Variants in ATXN8OS observed in about 807,000 individuals in gnomAD.
The protein encoded by ATXN8OS is ATXN8 opposite strand lncRNA.
chr13:70,125,902 G>A (rs1250353559), intron 2 of ATXN8OS, among the ~76,000 whole-genome samples: 1 of 152,006 alleles, frequency 6.6e-6, no homozygotes, highest in Non-Finnish European at 1.5e-5. Context: ...CCACCACCGG[G>A]GGTTGTGGGA....
intron 4 of ATXN8OS, among the ~76,000 whole-genome samples, chr13:70,156,568 G>A: frequency 6.6e-6 from 1 of 151,964 alleles, no homozygotes; most frequent in East Asian, 1.9e-4. Flanking sequence ...AGTATATAAA[G>A]TAAAATTAAG....
At chr13:70,123,166 G>T (rs934124929) in intron 2 of ATXN8OS, among the ~76,000 whole-genome samples, 3 of 151,932 alleles carry the variant, frequency 2.0e-5, no homozygotes, top group Non-Finnish European at 4.4e-5. Flanking sequence ...CTTAGATTTT[G>T]CCAGATACTA....
intron 3 of ATXN8OS, among the ~76,000 whole-genome samples, chr13:70,132,215 C>A (rs982983086): frequency 1.3e-5 from 2 of 151,828 alleles, no homozygotes; most frequent in Non-Finnish European, 2.9e-5. Flanking sequence ...ATGGAATCAA[C>A]CTAAGTGTCC....
intron 3 of ATXN8OS, among the ~76,000 whole-genome samples, chr13:70,136,423 CCTA>C (rs1300999553): frequency 1.3e-5 from 2 of 151,752 alleles, no homozygotes; most frequent in East Asian, 1.9e-4. Flanking sequence ...CAAATTGTAT[CCTA>C]CTTTTTTGCC....
intron 3 of ATXN8OS, among the ~76,000 whole-genome samples, chr13:70,133,072 C>T (rs768626147): frequency 2.0e-5 from 3 of 152,066 alleles, no homozygotes; most frequent in Non-Finnish European, 4.4e-5. Flanking sequence ...TGCCTCACTT[C>T]GATAGAGCTA....
chr13:70,171,133 A>G lies in ATXN8OS; in HGVS notation n.1954A>G, dbSNP rs1413611373. Among the ~76,000 whole-genome samples, 2 of 152,128 alleles carry G rather than the reference A, an allele frequency of 1.3e-5. 1 individual carries two copies. Among genetic ancestry groups the G allele is most frequent in the Non-Finnish European group, 2.9e-5 (2 of 68,000 alleles). On this transcript the variant is annotated non_coding_transcript_exon_variant, in exon 5 of 5. Transcript: ENST00000678624. ...TAGAGTATGGTTGATTTATGGACAG[A>G]AAAAGGAAAGTGACATAGAGAAAAT...
intron 4 of ATXN8OS, among the ~76,000 whole-genome samples, chr13:70,152,605 A>G (rs975933292): frequency 6.6e-6 from 1 of 151,874 alleles, no homozygotes; most frequent in East Asian, 1.9e-4. Context: ...TGATGCCCCT[A>G]TGCCTAGTGT....
intron 2 of ATXN8OS, among the ~76,000 whole-genome samples, chr13:70,121,121 C>T (rs1488410128): frequency 6.7e-6 from 1 of 149,918 alleles, no homozygotes; most frequent in African/African-American, 2.4e-5. Flanking sequence ...TAGAACTGAT[C>T]TAAAGGAGAG....
At chr13:70,170,674 A>G (rs1889134230) in exon 5 of ATXN8OS, among the ~76,000 whole-genome samples, 1 of 152,178 alleles carries the variant, frequency 6.6e-6, no homozygotes, top group African/African-American at 2.4e-5. Context: ...TGTGAAAACA[A>G]TTTTTAAAAT....
intron 2 of ATXN8OS, among the ~76,000 whole-genome samples, chr13:70,120,221 A>G (rs962450596): frequency 6.6e-6 from 1 of 152,140 alleles, no homozygotes; most frequent in African/African-American, 2.4e-5. Context: ...GGATATCCCA[A>G]AAGAAAATAA....
chr13:70,171,323 T>G (rs1452992006), exon 5 of ATXN8OS, among the ~76,000 whole-genome samples: 5 of 152,056 alleles, frequency 3.3e-5, no homozygotes, highest in Non-Finnish European at 7.4e-5. Flanking sequence ...GAGAAACCTT[T>G]GGGCGTAACT....
intron 2 of ATXN8OS, among the ~76,000 whole-genome samples, chr13:70,125,496 C>T (rs1888420320): frequency 6.6e-6 from 1 of 152,042 alleles, no homozygotes; most frequent in Admixed American, 6.6e-5. Flanking sequence ...CTCAAATTTC[C>T]CTATCTGATA....
exon 5 of ATXN8OS, among the ~76,000 whole-genome samples, chr13:70,171,080 CT>C (rs1273872060): frequency 7.9e-5 from 12 of 152,096 alleles, no homozygotes; most frequent in Admixed American, 7.9e-4. Context: ...GAGCAAAGAA[CT>C]AGTCAGCCTC....
At chr13:70,132,812 G>A (rs915718019) in intron 3 of ATXN8OS, among the ~76,000 whole-genome samples, 2 of 151,816 alleles carry the variant, frequency 1.3e-5, no homozygotes, top group Admixed American at 6.6e-5. Context: ...ATATAAATGT[G>A]CATATTAGTC....
At chr13:70,157,509 ATATCC>A (rs1888952836) in intron 4 of ATXN8OS, among the ~76,000 whole-genome samples, 1 of 43,560 alleles carries the variant, frequency 2.3e-5, no homozygotes, top group Non-Finnish European at 1.1e-4. Context: ...CATGACTAAG[ATATCC>A]AGAGATTTGC....
intron 2 of ATXN8OS, among the ~76,000 whole-genome samples, chr13:70,125,168 T>A (rs1190343971): frequency 6.6e-6 from 1 of 152,176 alleles, no homozygotes; most frequent in Non-Finnish European, 1.5e-5. Context: ...TAACTCATTA[T>A]CTTTGTATCC....
chr13:70,165,790 G>C (rs770229797), intron 4 of ATXN8OS, among the ~76,000 whole-genome samples: 49 of 151,940 alleles, frequency 3.2e-4, no homozygotes, highest in Admixed American at 7.9e-4. Flanking sequence ...CGGAAGATAT[G>C]TGGAAATATT....
intron 1 of ATXN8OS, among the ~76,000 whole-genome samples, chr13:70,109,473 C>G (rs1352202742): frequency 6.6e-6 from 1 of 152,156 alleles, no homozygotes; most frequent in African/African-American, 2.4e-5. Flanking sequence ...CTCAGTTACC[C>G]CCAAGGTTGA....
exon 1 of ATXN8OS, chr13:70,108,011 T>C: frequency 2.3e-6 from 1 of 441,618 alleles, no homozygotes; most frequent in Non-Finnish European, 4.0e-6. Context: ...AGCCCCGTGT[T>C]ATGGCGAGGT....
Sources: gnomAD v4.1 joint callset for allele counts (sites outside exome capture counted in the v4.1 genomes callset) on GRCh38, gnomAD v4.1.1 for gene constraint, MANE v1.5 for transcripts, NCBI Gene and HGNC (gene_info 2026-07-23, HGNC 2026-07-21) for gene names.